The following PRKN variants were observed in gnomAD, a reference collection of about 807,000 sequenced individuals.
The protein encoded by PRKN is E3 ubiquitin-protein ligase parkin.
In PRKN, 56 loss-of-function variants were observed where a neutral mutation model predicts 59.5. The observed-to-expected ratio is 0.94, with a 90% CI of 0.76 to 1.18. PRKN has a LOEUF of 1.18. Ranked by LOEUF, PRKN falls within the 50% of genes most tolerant of loss-of-function variation. The pLI, the probability that PRKN is intolerant of heterozygous loss-of-function variation, is 0.00. For synonymous variants in PRKN, 250 were observed against 222.1 expected (o/e 1.13, Z -1.12); for missense variants, 657 against 596.4 (o/e 1.10, Z -1.06).
intron 1 of PRKN, among the ~76,000 whole-genome samples, chr6:162,681,999 T>C (rs1779790525): frequency 6.6e-6 from 1 of 152,184 alleles, no homozygotes; most frequent in Non-Finnish European, 1.5e-5. Flanking sequence ...AAAATGAATA[T>C]TTTTATATGT....
chr6:161,894,212 T>C (rs1366396824), intron 6 of PRKN, among the ~76,000 whole-genome samples: 2 of 152,138 alleles, frequency 1.3e-5, no homozygotes, highest in African/African-American at 2.4e-5. Flanking sequence ...ACTGACAATC[T>C]TTCTGTGGCC....
intron 7 of PRKN, among the ~76,000 whole-genome samples, chr6:161,744,200 TC>T (rs1305910279): frequency 2.6e-5 from 4 of 152,198 alleles, no homozygotes; most frequent in South Asian, 4.2e-4. Flanking sequence ...CTTTTTTTTT[TC>T]AAACTGGGTA....
intron 1 of PRKN, among the ~76,000 whole-genome samples, chr6:162,668,854 C>T (rs1584016072): frequency 1.3e-5 from 2 of 151,978 alleles, no homozygotes; most frequent in South Asian, 4.2e-4. Flanking sequence ...TTTAATGGCA[C>T]CTGCTTTCTA....
chr6:161,366,508 A>G (rs1785205747), intron 10 of PRKN, among the ~76,000 whole-genome samples: 1 of 152,246 alleles, frequency 6.6e-6, no homozygotes, highest in Non-Finnish European at 1.5e-5. Flanking sequence ...ATACTGTTAA[A>G]GCAAACTAAG....
At chr6:161,508,606 T>G (rs541480) in intron 9 of PRKN, among the ~76,000 whole-genome samples, 121,028 of 151,994 alleles carry the variant, frequency 0.8, 48,467 homozygotes, top group Middle Eastern at 0.87. Flanking sequence ...TTAATACACT[T>G]AATAAATCCG....
At chr6:162,133,642 A>T (rs1781459489) in intron 4 of PRKN, among the ~76,000 whole-genome samples, 1 of 152,184 alleles carries the variant, frequency 6.6e-6, no homozygotes, top group Non-Finnish European at 1.5e-5. Context: ...ACAATAATTT[A>T]AAAGGTATAA....
intron 6 of PRKN, among the ~76,000 whole-genome samples, chr6:161,873,200 G>T (rs972135430): frequency 3.3e-5 from 5 of 151,832 alleles, no homozygotes; most frequent in African/African-American, 1.2e-4. Context: ...CGAAGCACGC[G>T]TCAGTCTCAG....
intron 1 of PRKN, chr6:162,569,103 C>A (rs183809222): frequency 6.1e-6 from 4 of 660,338 alleles, no homozygotes; most frequent in East Asian, 2.7e-5. Flanking sequence ...GAGGTCAAGG[C>A]GTAGTATGAG....
intron 1 of PRKN, among the ~76,000 whole-genome samples, chr6:162,655,026 T>TA (rs754329625): frequency 9.2e-5 from 14 of 152,188 alleles, no homozygotes; most frequent in Non-Finnish European, 1.8e-4. Flanking sequence ...AACAATTCTG[T>TA]ATGCATAGTT....
chr6:162,055,704 G>A (rs980438255), intron 4 of PRKN, among the ~76,000 whole-genome samples: 2 of 152,144 alleles, frequency 1.3e-5, no homozygotes, highest in African/African-American at 2.4e-5. Flanking sequence ...AGGGGCAGAG[G>A]CTGTGGTGAT....
rs113931224 is a variant in PRKN, at chr6:162,251,046, T to A, written c.412+11479A>T. 1.8e-3 allele frequency among the ~76,000 whole-genome samples: 273 copies of A among 152,272 alleles called. 1 individual carries two copies. Among genetic ancestry groups the A allele is most frequent in the African/African-American group, 6.2e-3 (256 of 41,562 alleles). Reference sequence around the variant, plus strand: ...TTCAAGTATGTCCCTTCTGATTTCATAATCTCCACTAGCTTTCAAATAAGA... The same window carrying A: ...TTCAAGTATGTCCCTTCTGATTTCAAAATCTCCACTAGCTTTCAAATAAGA... On this transcript the variant is annotated intron_variant, in intron 3 of 11. Coordinates refer to ENST00000366898, the MANE Select transcript of PRKN (RefSeq NM_004562.3).
intron 7 of PRKN, among the ~76,000 whole-genome samples, chr6:161,572,100 A>G (rs1205491795): frequency 6.6e-6 from 1 of 152,132 alleles, no homozygotes; most frequent in Non-Finnish European, 1.5e-5. Context: ...TCCCCCAGTA[A>G]ACGTCCTCTT....
In PRKN at chr6:161,363,033, G is replaced by A. The variant is rs1474046579; in HGVS notation, c.1168-2828C>T. Reference sequence around the variant, plus strand: ...GAGGCAGGTGGATCACTTGAGGCCGGGTGTTCAAGACCAGCCTGGCCAACA... The same window carrying A: ...GAGGCAGGTGGATCACTTGAGGCCGAGTGTTCAAGACCAGCCTGGCCAACA... On this transcript the variant is annotated intron_variant, in intron 10 of 11. Coordinates refer to ENST00000366898, the MANE Select transcript of PRKN (RefSeq NM_004562.3). The surrounding 1 kb of genome is among the most constrained non-coding windows in gnomAD (Gnocchi z 4.1). Among the ~76,000 whole-genome samples, 1 of 152,074 alleles carries A rather than the reference G, an allele frequency of 6.6e-6. No individual in the cohort carries two copies. The highest frequency in any genetic ancestry group is 1.5e-5 in the Non-Finnish European group (1 of 68,018).
At chr6:162,314,765 C>T (rs1004858751) in intron 2 of PRKN, among the ~76,000 whole-genome samples, 1 of 152,140 alleles carries the variant, frequency 6.6e-6, no homozygotes, top group South Asian at 2.1e-4. Flanking sequence ...TTGCACTATT[C>T]CAGACTATAC....
intron 7 of PRKN, among the ~76,000 whole-genome samples, chr6:161,597,307 T>C (rs1327869832): frequency 2.0e-5 from 3 of 152,292 alleles, no homozygotes; most frequent in South Asian, 2.1e-4. Flanking sequence ...CTGGTCAGGT[T>C]TTCTGTTATT....
At chr6:162,462,587 T>C (rs2128174826) in intron 1 of PRKN, among the ~76,000 whole-genome samples, 1 of 152,236 alleles carries the variant, frequency 6.6e-6, no homozygotes, top group East Asian at 1.9e-4. Context: ...CATTTTCAGG[T>C]TAAGAGGGCT....
chr6:161,865,788 C>T (rs2155481), intron 6 of PRKN, among the ~76,000 whole-genome samples: 109,642 of 152,070 alleles, frequency 0.72, 41,440 homozygotes, highest in Non-Finnish European at 0.85. Flanking sequence ...TCCATATCAG[C>T]GATAAGGCTG....
intron 6 of PRKN, among the ~76,000 whole-genome samples, chr6:161,902,594 C>G (rs1324794246): frequency 1.5e-5 from 1 of 64,960 alleles, no homozygotes; most frequent in Non-Finnish European, 3.1e-5. Flanking sequence ...GAGTCTTGCT[C>G]TGTTCCCCAG....
intron 2 of PRKN, among the ~76,000 whole-genome samples, chr6:162,381,530 T>TGTGTAAC (rs1050139646): frequency 2.6e-5 from 4 of 152,174 alleles, no homozygotes; most frequent in African/African-American, 9.6e-5. Flanking sequence ...TACAGTAGCT[T>TGTGTAAC]AAAATCCCCA....
Sources: gnomAD v4.1 joint callset for allele counts (sites outside exome capture counted in the v4.1 genomes callset) on GRCh38, gnomAD v4.1.1 for gene constraint, Gnocchi (gnomAD v3.1) non-coding constraint, MANE v1.5 for transcripts, NCBI Gene and HGNC (gene_info 2026-07-23, HGNC 2026-07-21) for gene names.